IKBKB-DT: variants seen among roughly 807,000 people sequenced by gnomAD.
The protein encoded by IKBKB-DT is IKBKB antisense RNA.
At chr8:42,251,648 T>C (rs1395232109) in intron 3 of IKBKB-DT, among the ~76,000 whole-genome samples, 1 of 152,022 alleles carries the variant, frequency 6.6e-6, no homozygotes, top group Non-Finnish European at 1.5e-5. Context: ...AAGAGGAAAC[T>C]TTTTACTTTC....
At chr8:42,245,991 T>C (rs1010968565) in intron 3 of IKBKB-DT, among the ~76,000 whole-genome samples, 1 of 152,202 alleles carries the variant, frequency 6.6e-6, no homozygotes, top group Non-Finnish European at 1.5e-5. Flanking sequence ...ATGATCCTGC[T>C]GTTAAAAAGA....
chr8:42,253,073 T>C lies in IKBKB-DT; in HGVS notation n.1529+10256A>G, dbSNP rs536928277. 7.9e-5 allele frequency among the ~76,000 whole-genome samples: 12 copies of C among 152,164 alleles called. No homozygotes were observed. In the South Asian group the frequency reaches 1.0e-3, roughly 13 times the overall value. ...CAATCCTGAAGAGATTAACGAAGAG[T>C]CTAGCACCTTTTAAAGATCTGAATA... On this transcript the variant is annotated intron_variant and non_coding_transcript_variant, in intron 3 of 3. Coordinates refer to ENST00000518213, the Ensembl canonical transcript of IKBKB-DT.
intron 3 of IKBKB-DT, among the ~76,000 whole-genome samples, chr8:42,260,059 G>A: frequency 6.6e-6 from 1 of 151,792 alleles, no homozygotes; most frequent in East Asian, 1.9e-4. Context: ...GAGAAGGAAG[G>A]AGAAACAGGA....
At chr8:42,236,812 C>T (rs968626724) in intron 3 of IKBKB-DT, among the ~76,000 whole-genome samples, 6 of 151,974 alleles carry the variant, frequency 3.9e-5, no homozygotes, top group African/African-American at 1.5e-4. Flanking sequence ...TCCATATAAC[C>T]AAAGTGAAAA....
intron 3 of IKBKB-DT, among the ~76,000 whole-genome samples, chr8:42,254,400 A>G (rs1807167382): frequency 6.6e-6 from 1 of 152,206 alleles, no homozygotes. Context: ...CTGGGAAGTG[A>G]GGAGCGCCTC....
At chr8:42,241,455 T>G (rs1220208206) in intron 3 of IKBKB-DT, among the ~76,000 whole-genome samples, 1 of 152,058 alleles carries the variant, frequency 6.6e-6, no homozygotes, top group Non-Finnish European at 1.5e-5. Context: ...GAAATTTATA[T>G]TTTAAACTTT....
At chr8:42,258,506 C>T (rs532896018) in intron 3 of IKBKB-DT, among the ~76,000 whole-genome samples, 1 of 151,526 alleles carries the variant, frequency 6.6e-6, no homozygotes, top group Non-Finnish European at 1.5e-5. Context: ...ACTCTGTCGC[C>T]CAGGCTGGAT....
chr8:42,237,604 G>A (rs993077455), intron 3 of IKBKB-DT, among the ~76,000 whole-genome samples: 16 of 152,048 alleles, frequency 1.1e-4, no homozygotes, highest in African/African-American at 1.9e-4. Context: ...GCCAAACGTC[G>A]AAGAAAAAAT....
At chr8:42,234,311 G>A (rs976391940) in intron 3 of IKBKB-DT, among the ~76,000 whole-genome samples, 1 of 152,142 alleles carries the variant, frequency 6.6e-6, no homozygotes, top group African/African-American at 2.4e-5. Flanking sequence ...GCCCTCTCCT[G>A]CCCTGTTCCT....
chr8:42,245,397 G>C (rs1204820771), intron 3 of IKBKB-DT, among the ~76,000 whole-genome samples: 1 of 152,216 alleles, frequency 6.6e-6, no homozygotes, highest in Non-Finnish European at 1.5e-5. Context: ...AATGGGTCAG[G>C]ACGCCTCAGT....
Position 42,254,362 on chromosome 8 carries a change from TC to T in IKBKB-DT, n.1529+8966del, listed in dbSNP as rs1240619824. Among the ~76,000 whole-genome samples, 9 of 152,374 alleles carry T rather than the reference TC, an allele frequency of 5.9e-5. No individual in the cohort carries two copies. In the East Asian group the frequency reaches 1.7e-3, roughly 29 times the overall value. The stretch of plus-strand genomic sequence containing the variant: ...TAAGTGCAACAAGAGTAGTGATTAA[TC>T]ATATAGGCTCTTGGCCACTGCCCCA... On this transcript the variant is annotated intron_variant and non_coding_transcript_variant, in intron 3 of 3. Transcript: ENST00000518213.
intron 3 of IKBKB-DT, among the ~76,000 whole-genome samples, chr8:42,235,161 A>ACT (rs1256974846): frequency 8.9e-5 from 8 of 90,246 alleles, no homozygotes; most frequent in African/African-American, 5.3e-4. Flanking sequence ...TTTTTTTCTA[A>ACT]CTCTTTTTAC....
rs572906978 is a variant in IKBKB-DT, at chr8:42,243,137, C to A, written n.1530-9278G>T. On this transcript the variant is annotated intron_variant and non_coding_transcript_variant, in intron 3 of 3. Transcript: ENST00000518213. ...CCAGCTTAGTGTCTTACCTACTGGGCGGTTGGACTGGCATTTTCATGGCAG... is the reference window on the plus strand; with the variant it reads ...CCAGCTTAGTGTCTTACCTACTGGGAGGTTGGACTGGCATTTTCATGGCAG... Among the ~76,000 whole-genome samples, 15 of 152,120 alleles carry A rather than the reference C, an allele frequency of 9.9e-5. No individual in the cohort carries two copies. The East Asian group carries it at 2.9e-3, about 29-fold the overall frequency.
chr8:42,236,697 C>CG (rs1439715973), intron 3 of IKBKB-DT, among the ~76,000 whole-genome samples: 1 of 152,094 alleles, frequency 6.6e-6, no homozygotes, highest in Non-Finnish European at 1.5e-5. Flanking sequence ...GCAGAGGTTG[C>CG]GGTGAGCTAA....
Position 42,260,939 on chromosome 8 carries a change from A to G in IKBKB-DT, n.1529+2390T>C, listed in dbSNP as rs1451666641. 2.0e-5 allele frequency among the ~76,000 whole-genome samples: 3 copies of G among 152,146 alleles called. No individual in the cohort carries two copies. In the East Asian group the frequency reaches 5.8e-4, roughly 29 times the overall value. On this transcript the variant is annotated intron_variant and non_coding_transcript_variant, in intron 3 of 3. Coordinates refer to ENST00000518213, the Ensembl canonical transcript of IKBKB-DT. ...AAAGATACAGCCCTTTCCATAGACTATGGGAGCCACTCCCATAGACAGCCA... is the reference window on the plus strand; with the variant it reads ...AAAGATACAGCCCTTTCCATAGACTGTGGGAGCCACTCCCATAGACAGCCA...
intron 3 of IKBKB-DT, among the ~76,000 whole-genome samples, chr8:42,235,494 C>T (rs556284715): frequency 2.6e-5 from 4 of 152,128 alleles, no homozygotes; most frequent in South Asian, 2.1e-4. Context: ...CATGAGCCAC[C>T]GCACATGGCC....
chr8:42,258,434 C>A (rs1477932829), intron 3 of IKBKB-DT, among the ~76,000 whole-genome samples: 1 of 151,904 alleles, frequency 6.6e-6, no homozygotes. Context: ...CATGTGCCAC[C>A]ATGCCTAGCT....
intron 3 of IKBKB-DT, among the ~76,000 whole-genome samples, chr8:42,245,712 G>C (rs1807055209): frequency 6.6e-6 from 1 of 152,190 alleles, no homozygotes; most frequent in Non-Finnish European, 1.5e-5. Context: ...TACAAGACCT[G>C]AGAGCCCTTA....
intron 3 of IKBKB-DT, among the ~76,000 whole-genome samples, chr8:42,250,297 G>A (rs559611693): frequency 1.3e-5 from 2 of 152,210 alleles, no homozygotes; most frequent in East Asian, 3.9e-4. Flanking sequence ...GATCCAGGTG[G>A]AGCCATCGGT....
Sources: gnomAD v4.1 joint callset for allele counts (sites outside exome capture counted in the v4.1 genomes callset) on GRCh38, gnomAD v4.1.1 for gene constraint, MANE v1.5 for transcripts, NCBI Gene and HGNC (gene_info 2026-07-23, HGNC 2026-07-21) for gene names.